Variants in ZFPM1 observed in about 807,000 individuals in gnomAD.
ZFPM1 encodes zinc finger protein ZFPM1.
ZFPM1 carries 28 observed loss-of-function variants against 46.3 expected under a neutral mutation model. That is an observed-to-expected ratio of 0.60 (90% confidence interval 0.45 to 0.83). ZFPM1 has a LOEUF of 0.83. ZFPM1 is among the 40% of genes least tolerant of loss of function. ZFPM1 has a pLI of 0.00. For missense variants in ZFPM1, 1,878 were observed against 1,432.4 expected (o/e 1.31, Z -5.02); for synonymous variants, 957 against 675.9 (o/e 1.42, Z -6.45).
At chr16:88,479,104 G>C (rs561504912) in intron 1 of ZFPM1, among the ~76,000 whole-genome samples, 10 of 152,340 alleles carry the variant, frequency 6.6e-5, no homozygotes, top group Admixed American at 2.6e-4. Context: ...CTGGAAGTCA[G>C]TCTGGCTGCT....
At chr16:88,468,842 C>T (rs1004096185) in intron 1 of ZFPM1, 1 of 152,342 alleles carries the variant, frequency 6.6e-6, no homozygotes, top group Non-Finnish European at 1.5e-5. Flanking sequence ...TGCCCTTGAC[C>T]TGGGGGAGTA....
At chr16:88,453,850 C>G (rs1002788744) in intron 1 of ZFPM1, among the ~76,000 whole-genome samples, 172 bp downstream of exon 1, 1 of 151,848 alleles carries the variant, frequency 6.6e-6, no homozygotes, top group African/African-American at 2.4e-5. Context: ...CCGCCGGCGG[C>G]CTGGGCCCCC....
chr16:88,504,854 G>GCCTT (rs1567542978), intron 3 of ZFPM1, among the ~76,000 whole-genome samples: 1 of 152,198 alleles, frequency 6.6e-6, no homozygotes, highest in Non-Finnish European at 1.5e-5. Context: ...TGGGGCCAGG[G>GCCTT]CCTTGCCCTT....
Position 88,498,687 on chromosome 16 carries a change from G to A in ZFPM1, c.268+9534G>A, listed in dbSNP as rs1335675200. Among the ~76,000 whole-genome samples the A allele has an allele frequency of 9.2e-5, 14 of 152,344 alleles. No individual in the cohort carries two copies. In the East Asian group the frequency reaches 1.2e-3, roughly 13 times the overall value. On this transcript the variant is annotated intron_variant, in intron 3 of 9. Transcript: ENST00000319555. ...TGTCCCAGGCCGAGGGCGCAGTCCC[G>A]GAGCCGGGGGCACCCCTCTAATCTG... is the stretch of plus-strand genomic sequence containing the variant.
rs543324084 is a variant in ZFPM1, at chr16:88,512,614, A to G, written c.269-1773A>G. On this transcript the variant is annotated intron_variant, in intron 3 of 9. Coordinates refer to ENST00000319555, the MANE Select transcript of ZFPM1 (RefSeq NM_153813.3). Reference sequence around the variant, plus strand: ...GCAGGGCCCACCCCACGAAGCTCCAAGCGTTTCTGACAGTCCGGATGGGAT... The same window carrying G: ...GCAGGGCCCACCCCACGAAGCTCCAGGCGTTTCTGACAGTCCGGATGGGAT... Among the ~76,000 whole-genome samples the G allele has an allele frequency of 7.2e-5, 11 of 152,178 alleles. No individual in the cohort carries two copies. The East Asian group carries it at 2.1e-3, about 29-fold the overall frequency.
intron 3 of ZFPM1, among the ~76,000 whole-genome samples, chr16:88,493,119 G>GC (rs1909689392): frequency 9.7e-6 from 1 of 102,820 alleles, no homozygotes; most frequent in East Asian, 3.5e-4. Context: ...GTCCCGGGGT[G>GC]GGGGGAGCTG....
chr16:88,534,291 G>T lies in ZFPM1; in HGVS notation c.2333G>T (p.Gly778Val). The T allele has an allele frequency of 8.2e-7, 1 of 1,213,186 alleles. No individual in the cohort carries two copies. The highest frequency in any genetic ancestry group is 3.9e-5 in the East Asian group (1 of 25,452). The allele number at this position is 1,213,186 out of a possible 1,614,324, so 75.2% of individuals were successfully genotyped here. The change falls in exon 10 of 10, where the codon GGC becomes GTC. Residue 778 changes from glycine (G) to valine (V), a missense_variant. Coordinates refer to ENST00000319555, the MANE Select transcript of ZFPM1 (RefSeq NM_153813.3). ...CGGCCCGGAAGCGGAAGCGGAAGCG[G>T]CCCCGGCCTCGCCCCTGCGCGCTCG... ...SPRPGSGSGS[G>V]PGLAPARSPG...
intron 3 of ZFPM1, among the ~76,000 whole-genome samples, chr16:88,491,804 C>T (rs1053333061): frequency 6.6e-6 from 1 of 152,202 alleles, no homozygotes; most frequent in Non-Finnish European, 1.5e-5. Flanking sequence ...GATACGCGGC[C>T]GCTGGCCAAC....
chr16:88,513,833 C>T (rs1010290774), intron 3 of ZFPM1, among the ~76,000 whole-genome samples: 1 of 152,214 alleles, frequency 6.6e-6, no homozygotes, highest in Non-Finnish European at 1.5e-5. Flanking sequence ...CTCATGGCTG[C>T]CTCCCATCTC....
chr16:88,533,269 C>T lies in ZFPM1; in HGVS notation c.1311C>T (p.Thr437=). ...ACAGAAAGGCCCTGGCCGAGGCCAC[C>T]AACGGAGAGGCCAGAGCGGAGCCTC... ...GLDRKALAEA[T]NGEARAEPLA... Residue 437 remains threonine, a synonymous_variant, in exon 10 of 10, where the codon ACC becomes ACT. Coordinates refer to ENST00000319555, the MANE Select transcript of ZFPM1 (RefSeq NM_153813.3). 1.3e-6 allele frequency: 2 copies of T among 1,523,552 alleles called. No individual in the cohort carries two copies. Among genetic ancestry groups the T allele is most frequent in the Non-Finnish European group, 8.7e-7 (1 of 1,145,044 alleles). The allele number at this position is 1,523,552 out of a possible 1,614,324, so 94.4% of individuals were successfully genotyped here. A position where few individuals can be genotyped will look rare whatever the true frequency, so the allele number is the denominator to read the frequency against.
intron 3 of ZFPM1, among the ~76,000 whole-genome samples, chr16:88,502,113 TCTC>T (rs1460347367): frequency 2.1e-5 from 3 of 142,706 alleles, no homozygotes; most frequent in African/African-American, 7.7e-5. Flanking sequence ...TTTATTTATC[TCTC>T]CTCCTTCTCT....
rs202180567 is a variant in ZFPM1, at chr16:88,531,982, G to A, written c.713-20G>A. 4.9e-5 allele frequency: 78 copies of A among 1,578,234 alleles called. No homozygotes were observed. In the East Asian group the frequency reaches 1.5e-3, roughly 29 times the overall value. The stretch of plus-strand genomic sequence containing the variant: ...GCAGGCTGGCCTTCAGCCTGACCCC[G>A]CCTGCTTCCCACCCCACAGAAGACG... On this transcript the variant is annotated intron_variant, in intron 6 of 9. Transcript: ENST00000319555.
intron 4 of ZFPM1, among the ~76,000 whole-genome samples, chr16:88,519,455 G>A (rs1224641917): frequency 2.0e-5 from 3 of 151,350 alleles, no homozygotes; most frequent in African/African-American, 7.3e-5. Context: ...ATGGTGGATG[G>A]ATAACCAGGT....
At chr16:88,500,446 A>G (rs1022993969) in intron 3 of ZFPM1, among the ~76,000 whole-genome samples, 1 of 152,174 alleles carries the variant, frequency 6.6e-6, no homozygotes, top group African/African-American at 2.4e-5. Context: ...TGTTCCCACC[A>G]CTACACCCGT....
At chr16:88,452,838 C>T (rs1342159640), upstream of ZFPM1, among the ~76,000 whole-genome samples, 3 of 152,176 alleles carry the variant, frequency 2.0e-5, no homozygotes, top group East Asian at 3.9e-4. Flanking sequence ...GCGCAGGATG[C>T]GGTGCCGCGG....
At chr16:88,510,068 C>T (rs1051125123) in intron 3 of ZFPM1, among the ~76,000 whole-genome samples, 2 of 152,108 alleles carry the variant, frequency 1.3e-5, no homozygotes, top group African/African-American at 2.4e-5. Flanking sequence ...CCCATCTGGG[C>T]AGCTAGGAGA....
intron 1 of ZFPM1, among the ~76,000 whole-genome samples, chr16:88,462,693 C>T (rs547903045): frequency 6.6e-6 from 1 of 152,308 alleles, no homozygotes; most frequent in East Asian, 1.9e-4. Flanking sequence ...CCTAGACCCT[C>T]TGTCATTATA....
intron 4 of ZFPM1, among the ~76,000 whole-genome samples, chr16:88,517,324 CGGTGGGTGGGTA>C (rs1255132527): frequency 4.1e-5 from 2 of 49,344 alleles, no homozygotes; most frequent in African/African-American, 7.1e-5. Flanking sequence ...ATGAGTGGGT[CGGTGGGTGGGTA>C]GGTGGGTGGA....
chr16:88,454,904 T>A (rs1907468112), intron 1 of ZFPM1, among the ~76,000 whole-genome samples: 1 of 152,120 alleles, frequency 6.6e-6, no homozygotes, highest in South Asian at 2.1e-4. Context: ...GGACCCCTTG[T>A]GCGGGGCCTG....
Sources: allele counts gnomAD v4.1 joint callset (sites outside exome capture counted in the v4.1 genomes callset), GRCh38; gene constraint gnomAD v4.1.1; transcripts MANE v1.5; gene names NCBI Gene and HGNC (gene_info 2026-07-23, HGNC 2026-07-21).